The following S100Z variants were observed in gnomAD, a reference collection of about 807,000 sequenced individuals.
The protein encoded by S100Z is S100 calcium binding protein Z.
Under a neutral mutation model 8.5 loss-of-function variants are expected in S100Z, and 11 were observed. That is an observed-to-expected ratio of 1.30 (90% confidence interval 0.82 to 2.15). S100Z has a LOEUF of 2.15. Among genes scored for constraint, S100Z ranks in the 30% most tolerant of loss-of-function variants. S100Z has a pLI of 0.00. For missense variants in S100Z, 126 were observed against 117.9 expected, an observed-to-expected ratio of 1.07 and a Z score of -0.32; for synonymous variants, 34 against 43.8, an observed-to-expected ratio of 0.78 and a Z score of 0.89.
At chr5:76,929,272 C>G in the S100Z span, among the ~76,000 whole-genome samples, 1 of 152,102 alleles carries the variant, frequency 6.6e-6, no homozygotes, top group Non-Finnish European at 1.5e-5. Flanking sequence ...CATATTGTAC[C>G]TTTTTTGTTT....
At chr5:76,856,219 T>A (rs1247029809) in intron 1 of S100Z, among the ~76,000 whole-genome samples, 1 of 152,012 alleles carries the variant, frequency 6.6e-6, no homozygotes, top group Non-Finnish European at 1.5e-5. Flanking sequence ...TGAGATGGAG[T>A]CTTGCTCTTT....
intron 3 of S100Z, among the ~76,000 whole-genome samples, chr5:76,877,173 G>A (rs961772468): frequency 1.3e-5 from 2 of 152,066 alleles, no homozygotes; most frequent in African/African-American, 2.4e-5. Context: ...TAAATCTAGC[G>A]ACCCTGGTGC....
chr5:76,917,805 C>T (rs925773227), intron 4 of S100Z, among the ~76,000 whole-genome samples: 6 of 131,650 alleles, frequency 4.6e-5, no homozygotes, highest in African/African-American at 9.3e-5. Context: ...CCTGGGTGAC[C>T]GAGCAAGACT....
intron 1 of S100Z, among the ~76,000 whole-genome samples, chr5:76,859,004 C>T (rs1750969243): frequency 6.6e-6 from 1 of 152,152 alleles, no homozygotes; most frequent in Non-Finnish European, 1.5e-5. Flanking sequence ...ATCCCAGCTA[C>T]TCAGTAGGCT....
intron 4 of S100Z, among the ~76,000 whole-genome samples, chr5:76,899,766 G>C (rs1744170175): frequency 6.6e-6 from 1 of 152,084 alleles, no homozygotes. Context: ...TTCTACTTAG[G>C]ATAAGAGTAG....
At chr5:76,884,973 A>G (rs1245832107) in intron 4 of S100Z, among the ~76,000 whole-genome samples, 1 of 152,152 alleles carries the variant, frequency 6.6e-6, no homozygotes, top group Admixed American at 6.5e-5. Context: ...ACCAATGTGT[A>G]AAAGAATGCC....
downstream of S100Z, among the ~76,000 whole-genome samples, chr5:76,925,168 A>G (rs1745116642): frequency 6.6e-6 from 1 of 151,910 alleles, no homozygotes; most frequent in African/African-American, 2.4e-5. Context: ...ATAGAGAGAG[A>G]GAGAGGAAGG....
intron 4 of S100Z, among the ~76,000 whole-genome samples, chr5:76,917,155 A>G (rs1259611611): frequency 6.6e-6 from 1 of 151,796 alleles, no homozygotes; most frequent in East Asian, 1.9e-4. Flanking sequence ...GGATATTTCA[A>G]AAAGTTGTAT....
intron 4 of S100Z, among the ~76,000 whole-genome samples, chr5:76,894,371 G>A (rs1212895872): frequency 6.6e-6 from 1 of 152,138 alleles, no homozygotes; most frequent in African/African-American, 2.4e-5. Flanking sequence ...ACCACCTTGG[G>A]CACATGTTCT....
chr5:76,923,738 G>A (rs1250921457), downstream of S100Z, among the ~76,000 whole-genome samples: 1 of 152,180 alleles, frequency 6.6e-6, no homozygotes, highest in Non-Finnish European at 1.5e-5. Context: ...GCTAATTAAT[G>A]TCTGTGGACC....
chr5:76,939,935 G>A, the S100Z span, among the ~76,000 whole-genome samples: 7 of 151,948 alleles, frequency 4.6e-5, no homozygotes, highest in Admixed American at 2.0e-4. Flanking sequence ...TGAGGCGGGC[G>A]GATCACGAGG....
chr5:76,863,165 C>T (rs1388882066), intron 1 of S100Z, among the ~76,000 whole-genome samples: 1 of 152,162 alleles, frequency 6.6e-6, no homozygotes. Flanking sequence ...ACCTGTTTTT[C>T]TGGACGGTAG....
chr5:76,894,878 C>T (rs922346010), intron 4 of S100Z, among the ~76,000 whole-genome samples: 5 of 151,998 alleles, frequency 3.3e-5, no homozygotes, highest in African/African-American at 1.2e-4. Context: ...TGTGAGCCAC[C>T]GCGCCCACCC....
chr5:76,856,097 C>T (rs2150619830), intron 1 of S100Z, among the ~76,000 whole-genome samples: 1 of 152,288 alleles, frequency 6.6e-6, no homozygotes, highest in Admixed American at 6.5e-5. Context: ...TTCCCCTTTG[C>T]CTTCTGCCAT....
At chr5:76,854,757 G>A (rs879524922) in intron 1 of S100Z, among the ~76,000 whole-genome samples, 11 of 152,226 alleles carry the variant, frequency 7.2e-5, no homozygotes, top group Non-Finnish European at 1.5e-4. Context: ...ATAACTGAAA[G>A]GAAGGCAAAT....
intron 1 of S100Z, among the ~76,000 whole-genome samples, chr5:76,860,240 C>G (rs1050317864): frequency 6.6e-6 from 1 of 152,132 alleles, no homozygotes; most frequent in Non-Finnish European, 1.5e-5. Context: ...CACCGAGGCT[C>G]TGCTTGACTC....
chr5:76,855,190 G>C (rs147047192), intron 1 of S100Z, among the ~76,000 whole-genome samples: 1 of 152,234 alleles, frequency 6.6e-6, no homozygotes, highest in African/African-American at 2.4e-5. Flanking sequence ...CAGTGTGGAG[G>C]GGAAATGTGG....
At chr5:76,858,876 C>T (rs186617551) in intron 1 of S100Z, among the ~76,000 whole-genome samples, 2 of 152,006 alleles carry the variant, frequency 1.3e-5, no homozygotes, top group East Asian at 3.9e-4. Context: ...TTTGGGAGGC[C>T]CAGGCAGGCA....
At chr5:76,875,214 A>G (rs765444925) in intron 2 of S100Z, 90 bp from the exon 3 acceptor site, 16 of 720,360 alleles carry the variant, frequency 2.2e-5, no homozygotes, top group Non-Finnish European at 3.5e-5. Flanking sequence ...TTTAACAACC[A>G]TCACTTGTGT....
Sources: gnomAD v4.1 joint callset for allele counts (sites outside exome capture counted in the v4.1 genomes callset) on GRCh38, gnomAD v4.1.1 for gene constraint, MANE v1.5 for transcripts, NCBI Gene and HGNC (gene_info 2026-07-23, HGNC 2026-07-21) for gene names.